RIMS2: variants seen among roughly 807,000 people sequenced by gnomAD.
The protein encoded by RIMS2 is regulating synaptic membrane exocytosis 2, also known as regulating synaptic membrane exocytosis protein 2.
Under a neutral mutation model 174.4 loss-of-function variants are expected in RIMS2, and 59 were observed. The ratio of observed to expected loss-of-function variants is 0.34; its 90% confidence interval spans 0.27 to 0.42. The LOEUF (loss-of-function observed/expected upper bound fraction) is 0.42, where lower values mean the gene tolerates loss of function less well. Ranked by LOEUF, RIMS2 falls within the 10% of genes least tolerant of loss-of-function variation. The pLI, the probability that RIMS2 is intolerant of heterozygous loss-of-function variation, is 1.00. For synonymous variants in RIMS2, 606 were observed against 572.5 expected (o/e 1.06, Z -0.84); for missense variants, 1,620 against 1,666.3 (o/e 0.97, Z 0.48).
intron 3 of RIMS2, chr8:103,880,715 C>T (rs953482730): frequency 8.1e-6 from 4 of 490,876 alleles, no homozygotes; most frequent in African/African-American, 5.9e-5. Context: ...TATATTAAAT[C>T]TTAATTGTGA....
At chr8:104,069,772 T>A (rs1221205965) in intron 19 of RIMS2, among the ~76,000 whole-genome samples, 1 of 152,140 alleles carries the variant, frequency 6.6e-6, no homozygotes, top group Non-Finnish European at 1.5e-5. Flanking sequence ...GCCTATTTCA[T>A]TGTTCTTGTA....
At chr8:104,151,824 C>T (rs1445699026) in intron 19 of RIMS2, among the ~76,000 whole-genome samples, 1 of 152,072 alleles carries the variant, frequency 6.6e-6, no homozygotes, top group Non-Finnish European at 1.5e-5. Context: ...GATAAAACAG[C>T]AGTAGGCCAA....
intron 1 of RIMS2, among the ~76,000 whole-genome samples, chr8:103,618,117 G>A (rs536107508): frequency 4.6e-5 from 7 of 152,094 alleles, no homozygotes; most frequent in South Asian, 4.1e-4. Flanking sequence ...ACTAGATAAA[G>A]AAAATGTGGT....
exon 14 of RIMS2, chr8:103,942,775 T>G (rs1355330935): frequency 6.2e-7 from 1 of 1,609,640 alleles, no homozygotes; most frequent in Non-Finnish European, 8.5e-7. Context: ...GTTTGTAGAT[T>G]TTAATTGAAT....
chr8:103,914,334 C>T (rs1450276730), intron 6 of RIMS2, among the ~76,000 whole-genome samples: 1 of 152,124 alleles, frequency 6.6e-6, no homozygotes, highest in Non-Finnish European at 1.5e-5. Context: ...TTACTAGTTA[C>T]GTGAAACCGG....
At chr8:104,204,747 A>C (rs1281475111) in intron 19 of RIMS2, among the ~76,000 whole-genome samples, 1 of 152,240 alleles carries the variant, frequency 6.6e-6, no homozygotes, top group Non-Finnish European at 1.5e-5. Flanking sequence ...CTGAGCCTAG[A>C]GAAGAATCCT....
intron 4 of RIMS2, chr8:103,910,098 T>C: frequency 7.5e-7 from 1 of 1,332,380 alleles, no homozygotes. Flanking sequence ...TTTTTCACCA[T>C]CTCCTTTACT....
chr8:103,505,014 A>C (rs1324738572), intron 1 of RIMS2, among the ~76,000 whole-genome samples: 1 of 150,822 alleles, frequency 6.6e-6, no homozygotes, highest in African/African-American at 2.4e-5. Context: ...ATGACACTCG[A>C]CTAATTTATT....
intron 3 of RIMS2, among the ~76,000 whole-genome samples, chr8:103,806,636 G>C (rs997719066): frequency 1.3e-5 from 2 of 151,934 alleles, no homozygotes; most frequent in African/African-American, 4.8e-5. Context: ...GTGTGTGTGG[G>C]CAATCTTTGG....
At chr8:103,622,510 A>G (rs186500020) in intron 1 of RIMS2, among the ~76,000 whole-genome samples, 23 of 152,278 alleles carry the variant, frequency 1.5e-4, no homozygotes, top group Admixed American at 7.2e-4. Flanking sequence ...AATTAAATAT[A>G]TGTAACATTT....
chr8:103,744,585 C>A (rs187936375), intron 2 of RIMS2, among the ~76,000 whole-genome samples: 1 of 152,178 alleles, frequency 6.6e-6, no homozygotes, highest in Non-Finnish European at 1.5e-5. Flanking sequence ...GTACCCTACT[C>A]ATATGCCTTC....
chr8:103,834,708 C>CTTTCTTTCTT (rs1406897888), intron 3 of RIMS2, among the ~76,000 whole-genome samples: 1 of 131,112 alleles, frequency 7.6e-6, no homozygotes, highest in Non-Finnish European at 1.6e-5. Flanking sequence ...TTCTTTCTTT[C>CTTTCTTTCTT]TTTCTTTCTT....
chr8:103,879,759 C>T (rs958954666), intron 3 of RIMS2, among the ~76,000 whole-genome samples: 4 of 151,522 alleles, frequency 2.6e-5, no homozygotes, highest in Admixed American at 6.6e-5. Context: ...TTTTTCTACT[C>T]GTCTAACACT....
At chr8:103,819,174 A>T in intron 3 of RIMS2, 1 of 1,067,434 alleles carries the variant, frequency 9.4e-7, no homozygotes, top group Non-Finnish European at 1.1e-6. Flanking sequence ...TGTTTTTAAT[A>T]GGCTTAGAGA....
chr8:104,000,329 G>A (rs1447347859), intron 17 of RIMS2, among the ~76,000 whole-genome samples: 6 of 151,386 alleles, frequency 4.0e-5, no homozygotes, highest in East Asian at 1.9e-4. Flanking sequence ...AGCTTATTTC[G>A]TTTAATATAA....
intron 14 of RIMS2, among the ~76,000 whole-genome samples, chr8:103,957,736 C>T (rs1231953373): frequency 6.6e-6 from 1 of 152,048 alleles, no homozygotes; most frequent in Admixed American, 6.6e-5. Context: ...TTCACATGTA[C>T]CCCAGAACTT....
chr8:103,602,206 C>T (rs897601008), intron 1 of RIMS2, among the ~76,000 whole-genome samples: 2 of 152,144 alleles, frequency 1.3e-5, no homozygotes, highest in African/African-American at 4.8e-5. Flanking sequence ...CCAGGATGGT[C>T]TCAATCTCCT....
In RIMS2 at chr8:104,089,774, C is replaced by A. The variant is rs73297546; in HGVS notation, c.3334+75159C>A. 6.8e-3 allele frequency among the ~76,000 whole-genome samples: 1,025 copies of A among 151,746 alleles called. 15 individuals carry two copies. The highest frequency in any genetic ancestry group is 0.023 in the African/African-American group (965 of 41,462). ...TCCATTCAGTGTCCTATTTAATGAC[C>A]TTCTGCTTTAGGCATTGGAAATAAG... is the stretch of plus-strand genomic sequence containing the variant. On this transcript the variant is annotated intron_variant, in intron 19 of 23. Coordinates refer to ENST00000504942, the Ensembl canonical transcript of RIMS2.
At chr8:103,744,058 G>A (rs988397939) in intron 2 of RIMS2, among the ~76,000 whole-genome samples, 11 of 152,000 alleles carry the variant, frequency 7.2e-5, no homozygotes, top group African/African-American at 2.7e-4. Context: ...TTGTTTGTTT[G>A]TTTTTTGAGA....
Sources: allele counts gnomAD v4.1 joint callset (sites outside exome capture counted in the v4.1 genomes callset), GRCh38; gene constraint gnomAD v4.1.1; transcripts MANE v1.5; gene names NCBI Gene and HGNC (gene_info 2026-07-23, HGNC 2026-07-21).